NTMT2: variants seen among roughly 807,000 people sequenced by gnomAD.
The protein encoded by NTMT2 is X-Pro-Lys N-terminal protein methyltransferase 1B.
NTMT2 carries 21 observed loss-of-function variants against 23.4 expected under a neutral mutation model. The ratio of observed to expected loss-of-function variants is 0.90; its 90% confidence interval spans 0.64 to 1.29. NTMT2 has a LOEUF of 1.29. NTMT2 is among the 50% of genes most tolerant of loss of function. NTMT2 has a pLI of 0.00. For missense variants in NTMT2, 336 were observed against 352.0 expected, an observed-to-expected ratio of 0.95 and a Z score of 0.36; for synonymous variants, 131 against 127.7, an observed-to-expected ratio of 1.03 and a Z score of -0.17.
intron 2 of NTMT2, among the ~76,000 whole-genome samples, chr1:170,165,171 C>G (rs560209621): frequency 6.6e-5 from 10 of 152,240 alleles, no homozygotes; most frequent in African/African-American, 2.4e-4. Flanking sequence ...TAGCACAAAA[C>G]CGCTTCAGCA....
intron 1 of NTMT2, among the ~76,000 whole-genome samples, chr1:170,150,129 G>A (rs10919308): frequency 6.6e-6 from 1 of 152,098 alleles, no homozygotes; most frequent in Non-Finnish European, 1.5e-5. Context: ...TGGAAAGAAC[G>A]GTGGCTAACC....
chr1:170,167,728 T>C lies in NTMT2; in HGVS notation c.823T>C (p.Phe275Leu). 1.3e-6 allele frequency: 2 copies of C among 1,551,098 alleles called. No homozygotes were observed. The highest frequency in any genetic ancestry group is 1.2e-5 in the South Asian group (1 of 84,004). The change falls in exon 4 of 4, where the codon TTC (phenylalanine) becomes CTC (leucine). Residue 275 changes from phenylalanine (F) to leucine (L), a missense_variant. Physicochemically the swap from Phe to Leu is conservative, Grantham distance 22 (BLOSUM62 0). Transcript: ENST00000439373. ...FPEQCIPVWM[F>L]ALHSDRHS is the part of the protein sequence containing the mutation. ...AGAGCAGTGCATCCCCGTGTGGATG[T>C]TCGCACTGCACAGCGACAGACACTC... is the stretch of plus-strand genomic sequence containing the variant.
Position 170,167,475 on chromosome 1 carries a change from C to G in NTMT2, c.581-11C>G. 1 of 1,531,876 alleles carries G rather than the reference C, an allele frequency of 6.5e-7. No homozygotes were observed. Among genetic ancestry groups the G allele is most frequent in the Non-Finnish European group, 8.8e-7 (1 of 1,135,150 alleles). 94.9% of individuals were successfully genotyped at this position (1,531,876 alleles called of 1,614,324 possible). A position where few individuals can be genotyped will look rare whatever the true frequency, so the allele number is the denominator to read the frequency against. ...CTTCCTGTTCCCCCATCCACTTGGT[C>G]TCCCTTGTAGGGCACCTGACTGATA... On this transcript the variant is annotated splice_polypyrimidine_tract_variant and intron_variant, in intron 3 of 3. Coordinates refer to ENST00000439373, the MANE Select transcript of NTMT2 (RefSeq NM_001136107.2).
intron 1 of NTMT2, among the ~76,000 whole-genome samples, chr1:170,156,211 AT>A (rs1313093976): frequency 6.6e-6 from 1 of 152,016 alleles, no homozygotes; most frequent in African/African-American, 2.4e-5. Flanking sequence ...TGCCCAGCGC[AT>A]TTTTTTGTAC....
chr1:170,146,323 A>G, intron 1 of NTMT2, 62 bp downstream of exon 1: 1 of 1,443,646 alleles, frequency 6.9e-7, no homozygotes, highest in Non-Finnish European at 9.3e-7. Flanking sequence ...GCATGAGGTC[A>G]TGGGGCTTCT....
rs534422844 is a variant in NTMT2 at position 170,168,348 on chromosome 1, T to C, written c.*591T>C. 2.8e-4 allele frequency among the ~76,000 whole-genome samples: 42 copies of C among 151,920 alleles called. No individual in the cohort carries two copies. The highest frequency in any genetic ancestry group is 9.2e-4 in the African/African-American group (38 of 41,454). On this transcript the variant is annotated 3_prime_UTR_variant, in exon 4 of 4. Coordinates refer to ENST00000439373, the MANE Select transcript of NTMT2 (RefSeq NM_001136107.2). ...TGGTGGGGGTGGGGGTAGGAGAAAA[T>C]CTACACTCCTTTCCCCGCCTTCATG...
chr1:170,147,306 A>T (rs1327300009), intron 1 of NTMT2, among the ~76,000 whole-genome samples: 1 of 152,198 alleles, frequency 6.6e-6, no homozygotes, highest in African/African-American at 2.4e-5. Flanking sequence ...TGATTCTCAT[A>T]GTCACACTAT....
At position 170,160,513 on chromosome 1, in the gene NTMT2, T is replaced by G; in HGVS notation, c.155-5T>G. The G allele has an allele frequency of 6.6e-7, 1 of 1,519,716 alleles. No homozygotes were observed. The highest frequency in any genetic ancestry group is 8.8e-7 in the Non-Finnish European group (1 of 1,136,418). 94.1% of individuals were successfully genotyped at this position (1,519,716 alleles called of 1,614,324 possible). Reference sequence around the variant, plus strand: ...TAATACCTATTAATAATGTTTCATTTGCAGTGAAATTGTACGCTTTAACAA... The same window carrying G: ...TAATACCTATTAATAATGTTTCATTGGCAGTGAAATTGTACGCTTTAACAA... On this transcript the variant is annotated splice_polypyrimidine_tract_variant and splice_region_variant and intron_variant, in intron 1 of 3. Transcript: ENST00000439373.
intron 1 of NTMT2, 75 bp from the exon 2 acceptor site, chr1:170,160,443 G>T: frequency 8.0e-7 from 1 of 1,246,710 alleles, no homozygotes; most frequent in Non-Finnish European, 1.1e-6. Context: ...GCTTTTAAAA[G>T]GAAATGCAAT....
intron 3 of NTMT2, 141 bp downstream of exon 3, chr1:170,166,892 CCACA>C: frequency 2.6e-6 from 2 of 778,858 alleles, no homozygotes; most frequent in South Asian, 3.7e-5. Context: ...ATGTGAACTC[CCACA>C]AAACTCTGAT....
chr1:170,160,710 C>T lies in NTMT2; in HGVS notation c.330+17C>T, dbSNP rs948039779. 35 of 1,506,620 alleles carry T rather than the reference C, an allele frequency of 2.3e-5. No individual in the cohort carries two copies. The Admixed American group carries it at 5.6e-4, about 24-fold the overall frequency. The allele number at this position is 1,506,620 out of a possible 1,614,324, so 93.3% of individuals were successfully genotyped here. On this transcript the variant is annotated intron_variant, in intron 2 of 3. Coordinates refer to ENST00000439373, the MANE Select transcript of NTMT2 (RefSeq NM_001136107.2). Reference sequence around the variant, plus strand: ...TTTGTTGGGGTGAGTTATTCAACTGCAGCTTGATGAGAAGGCAAAGTCCTT... The same window carrying T: ...TTTGTTGGGGTGAGTTATTCAACTGTAGCTTGATGAGAAGGCAAAGTCCTT...
rs564442061 is a variant in NTMT2 at position 170,152,249 on chromosome 1, C to A, written c.154+5988C>A. On this transcript the variant is annotated intron_variant, in intron 1 of 3. Coordinates refer to ENST00000439373, the MANE Select transcript of NTMT2 (RefSeq NM_001136107.2). ...AAATGTGGTATTAAAGTGGTAGAGA[C>A]CACTATAAAATTCTACAGAGGTGCA... Among the ~76,000 whole-genome samples the A allele has an allele frequency of 5.9e-5, 9 of 152,150 alleles. No individual in the cohort carries two copies. The South Asian group carries it at 1.9e-3, about 32-fold the overall frequency.
chr1:170,166,306 A>AT (rs11461930), intron 2 of NTMT2, among the ~76,000 whole-genome samples, 196 bp from the exon 3 acceptor site: 95,381 of 135,726 alleles, frequency 0.7, 34,062 homozygotes, highest in East Asian at 0.82. Flanking sequence ...CGCCCGGCTA[A>AT]TTTTTTTTGT....
In NTMT2 at chr1:170,146,171, T is replaced by C. The variant is rs958447559; in HGVS notation, c.64T>C (p.Cys22Arg). Residue 22 changes from cysteine to arginine, a missense_variant, in exon 1 of 4, where the codon TGT (cysteine) becomes CGT (arginine). Coordinates refer to ENST00000439373, the MANE Select transcript of NTMT2 (RefSeq NM_001136107.2). ...SRWQKTDDEL[C>R]RHSMSFILHK... is the part of the protein sequence containing the mutation. ...CTGGCAGAAGACCGACGATGAACTC[T>C]GTAGACATAGCATGTCTTTTATCCT... 6.4e-7 allele frequency: 1 copy of C among 1,551,622 alleles called. No individual in the cohort carries two copies. The highest frequency in any genetic ancestry group is 1.4e-5 in the African/African-American group (1 of 73,032).
intron 1 of NTMT2, among the ~76,000 whole-genome samples, chr1:170,148,656 A>G (rs940061430): frequency 6.6e-6 from 1 of 152,244 alleles, no homozygotes; most frequent in African/African-American, 2.4e-5. Flanking sequence ...GATAGGCTGC[A>G]GTAACAAATT....
Position 170,157,745 on chromosome 1 carries a change from A to C in NTMT2, c.155-2773A>C, listed in dbSNP as rs565703416. 6.6e-5 allele frequency among the ~76,000 whole-genome samples: 10 copies of C among 152,094 alleles called. No homozygotes were observed. In the South Asian group the frequency reaches 1.0e-3, roughly 16 times the overall value. ...TTTATGTCATATTTTGGCTTGCTTC[A>C]TGCCCTGATCATAACATTTTTGAAT... On this transcript the variant is annotated intron_variant, in intron 1 of 3. Coordinates refer to ENST00000439373, the MANE Select transcript of NTMT2 (RefSeq NM_001136107.2).
chr1:170,159,344 C>A, intron 1 of NTMT2, among the ~76,000 whole-genome samples: 1 of 150,048 alleles, frequency 6.7e-6, no homozygotes, highest in East Asian at 1.9e-4. Context: ...TACAGCTGTG[C>A]TGTCTGCTGC....
chr1:170,163,571 AT>A (rs1289548014), intron 2 of NTMT2, among the ~76,000 whole-genome samples: 4 of 152,116 alleles, frequency 2.6e-5, no homozygotes, highest in African/African-American at 9.7e-5. Context: ...ACCCCTCAGT[AT>A]TTTTTTGACA....
intron 2 of NTMT2, 81 bp from the exon 3 acceptor site, chr1:170,166,421 G>C: frequency 6.8e-6 from 10 of 1,480,154 alleles, no homozygotes; most frequent in Non-Finnish European, 9.1e-6. Flanking sequence ...GATTACAAGC[G>C]TGAGCCACCG....
Sources: gnomAD v4.1 joint callset for allele counts (sites outside exome capture counted in the v4.1 genomes callset) on GRCh38, gnomAD v4.1.1 for gene constraint, MANE v1.5 for transcripts, NCBI Gene and HGNC (gene_info 2026-07-23, HGNC 2026-07-21) for gene names.